SUGCT: variants seen among roughly 807,000 people sequenced by gnomAD.
The protein encoded by SUGCT is succinyl-CoA:glutarate-CoA transferase.
In SUGCT, 41 loss-of-function variants were observed where a neutral mutation model predicts 55.0. The ratio of observed to expected loss-of-function variants is 0.74; its 90% CI spans 0.58 to 0.97. The LOEUF (loss-of-function observed/expected upper bound fraction) is 0.97. SUGCT is among the 50% of genes least tolerant of loss of function. SUGCT has a pLI of 0.00. For synonymous variants in SUGCT, 187 were observed against 200.4 expected, an observed-to-expected ratio of 0.93 and a Z score of 0.56; for missense variants, 568 against 547.8, an observed-to-expected ratio of 1.04 and a Z score of -0.37.
At chr7:40,579,198 G>A (rs753027357) in intron 12 of SUGCT, among the ~76,000 whole-genome samples, 1 of 151,920 alleles carries the variant, frequency 6.6e-6, no homozygotes, top group Non-Finnish European at 1.5e-5. Context: ...AATCAATCGA[G>A]GGGACACATT....
At chr7:40,270,077 A>G (rs1237153249) in intron 7 of SUGCT, among the ~76,000 whole-genome samples, 1 of 149,642 alleles carries the variant, frequency 6.7e-6, no homozygotes, top group Non-Finnish European at 1.5e-5. Flanking sequence ...TGGAGGTTGC[A>G]GTGAGCCGAG....
At chr7:40,432,239 CT>C (rs1398333928) in intron 9 of SUGCT, among the ~76,000 whole-genome samples, 2 of 152,118 alleles carry the variant, frequency 1.3e-5, no homozygotes, top group Admixed American at 1.3e-4. Flanking sequence ...GATATTTTTG[CT>C]GACATAGTAT....
At chr7:40,749,526 C>G (rs1426732028) in intron 13 of SUGCT, 29 bp downstream of exon 13, 1 of 1,570,684 alleles carries the variant, frequency 6.4e-7, no homozygotes, top group Non-Finnish European at 8.8e-7. Flanking sequence ...TTTTCTCTAG[C>G]ACCTTTCTTT....
chr7:40,181,708 T>TG (rs1450914104), intron 2 of SUGCT, among the ~76,000 whole-genome samples: 4 of 148,926 alleles, frequency 2.7e-5, no homozygotes, highest in African/African-American at 9.9e-5. Context: ...ATAGTGCCAC[T>TG]GCACTCCAGC....
rs1172402281 is a variant in SUGCT at position 40,563,928 on chromosome 7, C to T, written c.1089+67542C>T. 2.6e-5 allele frequency among the ~76,000 whole-genome samples: 4 copies of T among 151,854 alleles called. No homozygotes were observed. In the South Asian group the frequency reaches 6.2e-4, roughly 24 times the overall value. Reference sequence around the variant, plus strand: ...ATAAAAAGTAGTCCCCCAGAGATGTCGAGGAGACAAATACAGATATCAGTC... The same window carrying T: ...ATAAAAAGTAGTCCCCCAGAGATGTTGAGGAGACAAATACAGATATCAGTC... On this transcript the variant is annotated intron_variant, in intron 12 of 13. Transcript: ENST00000335693.
rs541623223 is a variant in SUGCT at position 40,483,143 on chromosome 7, G to C, written c.987-13141G>C. On this transcript the variant is annotated intron_variant, in intron 11 of 13. Transcript: ENST00000335693. ...CAACAAATTCCAGCTGTTTCTCTGT[G>C]GGTTACAGAAGTGTCACAGGCCTGT... Among the ~76,000 whole-genome samples, 13 of 152,226 alleles carry C rather than the reference G, an allele frequency of 8.5e-5. No homozygotes were observed. The East Asian group carries it at 2.5e-3, about 29-fold the overall frequency.
intron 8 of SUGCT, among the ~76,000 whole-genome samples, chr7:40,291,695 T>A (rs1793788899): frequency 1.3e-5 from 2 of 151,772 alleles, no homozygotes; most frequent in African/African-American, 2.4e-5. Context: ...TAATAAAAGT[T>A]ATGTGAATGT....
In SUGCT at chr7:40,135,035, G is replaced by A. The variant is rs1252743541; in HGVS notation, c.15G>A (p.Leu5=). The A allele has an allele frequency of 1.3e-6, 2 of 1,561,802 alleles. No homozygotes were observed. The highest frequency in any genetic ancestry group is 2.4e-5 in the East Asian group (1 of 41,522). Residue 5 remains leucine (L), a synonymous_variant, in exon 1 of 14, where the codon CTG becomes CTA. Coordinates refer to ENST00000335693, the MANE Select transcript of SUGCT (RefSeq NM_001193313.2). ...AGACGCACGCGATGCTGGCGACGCT[G>A]GCGAGGGTGGCAGCTCTGCGCAGAA... MLAT[L]ARVAALRRTC...
At chr7:40,163,824 A>ATT (rs774642100) in intron 1 of SUGCT, among the ~76,000 whole-genome samples, 2 of 141,310 alleles carry the variant, frequency 1.4e-5, no homozygotes, top group African/African-American at 2.6e-5. Context: ...TTTGAATTGA[A>ATT]TTTTTTTTTT....
At chr7:40,854,391 A>ATTTT (rs1416656815) in intron 13 of SUGCT, among the ~76,000 whole-genome samples, 1 of 124,960 alleles carries the variant, frequency 8.0e-6, no homozygotes, top group African/African-American at 3.0e-5. Flanking sequence ...GTGTATCAAA[A>ATTTT]TTTTTTTCTT....
At chr7:40,542,315 C>T (rs1794734714) in intron 12 of SUGCT, among the ~76,000 whole-genome samples, 1 of 152,164 alleles carries the variant, frequency 6.6e-6, no homozygotes. Context: ...AATAACTTTT[C>T]AGCCACAGGT....
intron 6 of SUGCT, among the ~76,000 whole-genome samples, chr7:40,210,758 C>G (rs1422517816): frequency 1.3e-5 from 2 of 151,948 alleles, no homozygotes; most frequent in Non-Finnish European, 2.9e-5. Flanking sequence ...TTCCGTTTGG[C>G]TAATTTAAAG....
At chr7:40,287,559 A>G (rs1251537351) in intron 8 of SUGCT, among the ~76,000 whole-genome samples, 2 of 150,912 alleles carry the variant, frequency 1.3e-5, no homozygotes, top group East Asian at 3.9e-4. Flanking sequence ...ATGCAGTGGC[A>G]TGATCATGGC....
intron 12 of SUGCT, among the ~76,000 whole-genome samples, chr7:40,511,979 C>A (rs1174334317): frequency 1.3e-5 from 2 of 152,074 alleles, no homozygotes; most frequent in Non-Finnish European, 2.9e-5. Flanking sequence ...ATCTATTCTC[C>A]ACACAATTGT....
At chr7:40,930,712 GCT>G in the SUGCT span, among the ~76,000 whole-genome samples, 415 of 152,198 alleles carry the variant, frequency 2.7e-3, 1 homozygote, top group African/African-American at 9.5e-3. Flanking sequence ...TCATGATTTG[GCT>G]CTCTGTTTGT....
intron 8 of SUGCT, among the ~76,000 whole-genome samples, chr7:40,287,837 T>C (rs4236364): frequency 0.99 from 151,460 of 152,290 alleles, 75,319 homozygotes; most frequent in East Asian, 1. Flanking sequence ...AAGTTCCCTC[T>C]GTTCCTAGTT....
chr7:40,416,057 G>A (rs1214898139), intron 9 of SUGCT, among the ~76,000 whole-genome samples: 1 of 151,862 alleles, frequency 6.6e-6, no homozygotes, highest in Non-Finnish European at 1.5e-5. Flanking sequence ...GAGGATTTTT[G>A]TTTATAATAC....
At chr7:40,567,558 T>C (rs980940656) in intron 12 of SUGCT, among the ~76,000 whole-genome samples, 1 of 152,214 alleles carries the variant, frequency 6.6e-6, no homozygotes, top group African/African-American at 2.4e-5. Context: ...GGCATTTCAA[T>C]GTGGACCTCA....
At chr7:41,011,323 C>T in the SUGCT span, among the ~76,000 whole-genome samples, 1 of 152,218 alleles carries the variant, frequency 6.6e-6, no homozygotes, top group African/African-American at 2.4e-5. Flanking sequence ...TCTTTAGCCT[C>T]AGCCACAAAT....
Sources: gnomAD v4.1 joint callset for allele counts (sites outside exome capture counted in the v4.1 genomes callset) on GRCh38, gnomAD v4.1.1 for gene constraint, MANE v1.5 for transcripts, NCBI Gene and HGNC (gene_info 2026-07-23, HGNC 2026-07-21) for gene names.